DSCAML1: variants seen among roughly 807,000 people sequenced by gnomAD.
The protein encoded by DSCAML1 is DS cell adhesion molecule like 1.
Under a neutral mutation model 200.5 loss-of-function variants are expected in DSCAML1, and 38 were observed. That is an observed-to-expected ratio of 0.19 (90% CI 0.15 to 0.25). The LOEUF is 0.25. DSCAML1 is among the 10% of genes least tolerant of loss of function. The probability of loss-of-function intolerance (pLI) is 1.00; values close to 1 mark genes in which losing one functional copy is unlikely to be tolerated. For missense variants in DSCAML1, 2,223 were observed against 2,858.8 expected (o/e 0.78, Z 5.07); for synonymous variants, 1,215 against 1,165.0 (o/e 1.04, Z -0.87).
chr11:117,658,229 T>G (rs1168112868), intron 3 of DSCAML1, among the ~76,000 whole-genome samples: 4 of 151,806 alleles, frequency 2.6e-5, no homozygotes, highest in Non-Finnish European at 4.4e-5. Context: ...AGCCCTAGAG[T>G]CTCTGGAGCT....
chr11:117,625,148 C>T (rs2052017240), intron 3 of DSCAML1, among the ~76,000 whole-genome samples: 1 of 152,028 alleles, frequency 6.6e-6, no homozygotes, highest in Admixed American at 6.5e-5. Context: ...ACCTCTCCCA[C>T]CCCAGACACA....
At chr11:117,471,725 T>G in intron 15 of DSCAML1, 144 bp downstream of exon 15, 1 of 734,004 alleles carries the variant, frequency 1.4e-6, no homozygotes, top group Non-Finnish European at 2.0e-6. Flanking sequence ...GATCCAGAGG[T>G]GGACACAAAC....
intron 3 of DSCAML1, among the ~76,000 whole-genome samples, chr11:117,701,609 G>A (rs952648665): frequency 2.4e-4 from 37 of 152,310 alleles, no homozygotes; most frequent in African/African-American, 7.2e-4. Context: ...AAGCCAGCGC[G>A]GGGTGGGGGA....
At position 117,610,205 on chromosome 11, in the gene DSCAML1, A is replaced by G. The variant is rs559324226; in HGVS notation, c.512-77683T>C. ...TGTACATTCTTAATGCCAACAAGACACTCTTGACTGCTCTGCTCTTTTCCT... is the reference window on the plus strand; with the variant it reads ...TGTACATTCTTAATGCCAACAAGACGCTCTTGACTGCTCTGCTCTTTTCCT... On this transcript the variant is annotated intron_variant, in intron 3 of 32. Coordinates refer to ENST00000651296, the MANE Select transcript of DSCAML1 (RefSeq NM_020693.4). Among the ~76,000 whole-genome samples the G allele has an allele frequency of 1.3e-4, 20 of 152,162 alleles. No homozygotes were observed. The South Asian group carries it at 3.9e-3, about 30-fold the overall frequency.
chr11:117,810,616 C>A (rs1421966558), intron 1 of DSCAML1, among the ~76,000 whole-genome samples: 1 of 152,120 alleles, frequency 6.6e-6, no homozygotes, highest in Non-Finnish European at 1.5e-5. Context: ...GAACTTAAAA[C>A]CTCTTCAACT....
At chr11:117,660,740 C>T (rs186116076) in intron 3 of DSCAML1, among the ~76,000 whole-genome samples, 3 of 152,278 alleles carry the variant, frequency 2.0e-5, no homozygotes, top group Admixed American at 2.0e-4. Flanking sequence ...GTATATGTTA[C>T]CAATGCAAAA....
At chr11:117,459,118 G>A (rs1393245195) in intron 18 of DSCAML1, among the ~76,000 whole-genome samples, 1 of 152,242 alleles carries the variant, frequency 6.6e-6, no homozygotes, top group Non-Finnish European at 1.5e-5. Context: ...AGGGGCCAGT[G>A]AGGGCGAGCC....
chr11:117,598,446 A>G (rs1351059154), intron 3 of DSCAML1, among the ~76,000 whole-genome samples: 9 of 152,150 alleles, frequency 5.9e-5, no homozygotes, highest in Non-Finnish European at 1.3e-4. Context: ...ATCCCAATCC[A>G]AGCTACGCCC....
At position 117,437,426 on chromosome 11, in the gene DSCAML1, A is replaced by G. The variant is rs199999761; in HGVS notation, c.4433-17T>C. 9.3e-6 allele frequency: 15 copies of G among 1,605,158 alleles called. No homozygotes were observed. Among genetic ancestry groups the G allele is most frequent in the Middle Eastern group, 1.7e-4 (1 of 6,022 alleles). ...AGGAGGGCTCTGGCAGGCCGGAGGG[A>G]GAGAGAGAGGTTAGAGAGATTTGGT... On this transcript the variant is annotated splice_polypyrimidine_tract_variant and intron_variant, in intron 25 of 32. Coordinates refer to ENST00000651296, the MANE Select transcript of DSCAML1 (RefSeq NM_020693.4). This position sits in a 1 kb window ranked among gnomAD's most constrained non-coding sequence, Gnocchi z 5.3.
chr11:117,694,332 G>C (rs1219310201), intron 3 of DSCAML1, among the ~76,000 whole-genome samples: 2 of 151,552 alleles, frequency 1.3e-5, no homozygotes, highest in African/African-American at 2.4e-5. Flanking sequence ...CCTGAACCTG[G>C]GAGGCAGAGG....
intron 3 of DSCAML1, among the ~76,000 whole-genome samples, chr11:117,678,295 C>T (rs755001173): frequency 1.3e-4 from 20 of 152,186 alleles, no homozygotes; most frequent in Admixed American, 2.6e-4. Flanking sequence ...GGTGGGGTGG[C>T]GGGCGGGAGG....
intron 14 of DSCAML1, among the ~76,000 whole-genome samples, chr11:117,479,605 G>A (rs7930881): frequency 0.25 from 37,810 of 151,972 alleles, 5,040 homozygotes; most frequent in South Asian, 0.44. Context: ...CGGGGCGGCC[G>A]CACAGCAGCC....
rs1170703199 is a variant in DSCAML1, at chr11:117,430,703, AGGT to A, written c.5686+16_5686+18del. 1.3e-6 allele frequency: 2 copies of A among 1,595,620 alleles called. No homozygotes were observed. The highest frequency in any genetic ancestry group is 3.4e-5 in the Admixed American group (2 of 59,332). On this transcript the variant is annotated intron_variant, in intron 32 of 32. Coordinates refer to ENST00000651296, the MANE Select transcript of DSCAML1 (RefSeq NM_020693.4). The stretch of plus-strand genomic sequence containing the variant: ...AGGGGGCGGGGGGGCACTGCCTGGG[AGGT>A]GGTCTGAGCACTCACTCTTGTTGGC...
intron 20 of DSCAML1, among the ~76,000 whole-genome samples, chr11:117,450,090 C>T (rs980920558): frequency 4.6e-5 from 7 of 152,228 alleles, no homozygotes; most frequent in Non-Finnish European, 5.9e-5. Context: ...GGCTTTCCCC[C>T]GTCTTTCCTC....
intron 14 of DSCAML1, among the ~76,000 whole-genome samples, chr11:117,476,883 G>A (rs1266513159): frequency 5.3e-5 from 8 of 152,098 alleles, no homozygotes; most frequent in Non-Finnish European, 1.2e-4. Context: ...CCGATGGTCA[G>A]GACCCAGGAT....
chr11:117,705,988 G>A (rs1249907982), intron 3 of DSCAML1, among the ~76,000 whole-genome samples: 2 of 152,192 alleles, frequency 1.3e-5, no homozygotes, highest in African/African-American at 4.8e-5. Flanking sequence ...ACATGAGTAG[G>A]CAGAGGGACT....
At chr11:117,729,903 T>C (rs1210356286) in intron 3 of DSCAML1, among the ~76,000 whole-genome samples, 1 of 152,146 alleles carries the variant, frequency 6.6e-6, no homozygotes, top group Non-Finnish European at 1.5e-5. Flanking sequence ...CAAAGGTCCT[T>C]TGAAAAAGGG....
At chr11:117,439,211 T>C (rs1182635575) in intron 23 of DSCAML1, 55 bp downstream of exon 23, 1 of 1,596,708 alleles carries the variant, frequency 6.3e-7, no homozygotes, top group Non-Finnish European at 8.6e-7. Flanking sequence ...ATGGAATCCC[T>C]ACCCTTTCTC....
At chr11:117,809,619 G>C (rs1049255257) in intron 1 of DSCAML1, among the ~76,000 whole-genome samples, 1 of 152,188 alleles carries the variant, frequency 6.6e-6, no homozygotes, top group South Asian at 2.1e-4. Flanking sequence ...CCGGAGGCTG[G>C]GCTCACTCCC....
Sources: allele counts gnomAD v4.1 joint callset (sites outside exome capture counted in the v4.1 genomes callset), GRCh38; gene constraint gnomAD v4.1.1; non-coding constraint Gnocchi (gnomAD v3.1); transcripts MANE v1.5; gene names NCBI Gene and HGNC (gene_info 2026-07-23, HGNC 2026-07-21).